The following MTMR2 variants were observed in gnomAD, a reference collection of about 807,000 sequenced individuals.
The protein encoded by MTMR2 is phosphatidylinositol-3,5-bisphosphate 3-phosphatase MTMR2.
Under a neutral mutation model 86.9 loss-of-function variants are expected in MTMR2, and 55 were observed. The observed-to-expected ratio is 0.63, with a 90% CI of 0.51 to 0.79. The LOEUF is 0.79. Among genes scored for constraint, MTMR2 ranks in the 30% least tolerant of loss-of-function variants. The pLI is 0.00. For missense variants in MTMR2, 659 were observed against 772.3 expected (o/e 0.85, Z 1.74); for synonymous variants, 241 against 266.8 (o/e 0.90, Z 0.94).
intron 1 of MTMR2, among the ~76,000 whole-genome samples, chr11:95,922,245 A>G (rs1866954157): frequency 6.6e-6 from 1 of 152,186 alleles, no homozygotes; most frequent in South Asian, 2.1e-4. Flanking sequence ...GGAGCTTCCT[A>G]ACTTCCAGTA....
chr11:95,876,656 T>C (rs1022318625), intron 2 of MTMR2, among the ~76,000 whole-genome samples: 1 of 152,170 alleles, frequency 6.6e-6, no homozygotes. Context: ...ACACACAAGA[T>C]TCAAATTTAT....
chr11:95,923,720 G>A, intron 1 of MTMR2, 155 bp downstream of exon 1: 1 of 1,453,372 alleles, frequency 6.9e-7, no homozygotes. Context: ...CACGCCCCAG[G>A]GAGGGAGGCA....
intron 7 of MTMR2, among the ~76,000 whole-genome samples, chr11:95,853,630 A>G (rs1864103943): frequency 6.6e-6 from 1 of 152,092 alleles, no homozygotes; most frequent in African/African-American, 2.4e-5. Flanking sequence ...CTCTCCCTAC[A>G]GTACTTGCTC....
At chr11:95,862,227 AAAC>A (rs1442303073) in intron 4 of MTMR2, 42 bp downstream of exon 4, 9 of 1,482,050 alleles carry the variant, frequency 6.1e-6, no homozygotes, top group Non-Finnish European at 8.2e-6. Context: ...AACTAGCTAC[AAAC>A]AACACACTCA....
rs1418356895 is a variant in MTMR2, at chr11:95,854,922, C to T, written c.654+2630G>A. Among the ~76,000 whole-genome samples, 3 of 152,068 alleles carry T rather than the reference C, an allele frequency of 2.0e-5. No individual in the cohort carries two copies. In the East Asian group the frequency reaches 5.8e-4, roughly 29 times the overall value. On this transcript the variant is annotated intron_variant, in intron 7 of 14. Transcript: ENST00000346299. ...CTCCAGGGCTCCATCAATCCTCCTG[C>T]CTCAACCCCCCTGGATAGCTGTGAC... is the stretch of plus-strand genomic sequence containing the variant.
intron 11 of MTMR2, among the ~76,000 whole-genome samples, chr11:95,843,507 C>A (rs12796946): frequency 1.3e-5 from 2 of 152,026 alleles, no homozygotes; most frequent in Non-Finnish European, 2.9e-5. Context: ...CAAGTTCTGG[C>A]GTAGTATCAA....
intron 10 of MTMR2, among the ~76,000 whole-genome samples, chr11:95,846,482 A>C (rs1049533028): frequency 6.6e-6 from 1 of 152,130 alleles, no homozygotes; most frequent in Admixed American, 6.6e-5. Context: ...TGCTGGTAGA[A>C]CTCTTATTTT....
chr11:95,857,475 G>T, intron 7 of MTMR2, 77 bp downstream of exon 7: 1 of 1,006,292 alleles, frequency 9.9e-7, no homozygotes, highest in Non-Finnish European at 1.6e-6. Flanking sequence ...GCTGGTTTTC[G>T]TACATGGTTC....
intron 1 of MTMR2, among the ~76,000 whole-genome samples, chr11:95,909,913 ATTAAAT>A (rs1024982471): frequency 6.6e-6 from 1 of 152,126 alleles, no homozygotes; most frequent in Non-Finnish European, 1.5e-5. Flanking sequence ...GCATCCACTA[ATTAAAT>A]TAAAATTAAG....
At chr11:95,865,539 G>T in intron 3 of MTMR2, 62 bp downstream of exon 3, 1 of 1,412,634 alleles carries the variant, frequency 7.1e-7, no homozygotes, top group Non-Finnish European at 1.0e-6. Flanking sequence ...TATGCTGAGA[G>T]TACTGAACAT....
chr11:95,846,539 A>G (rs1863800499), intron 10 of MTMR2, among the ~76,000 whole-genome samples: 1 of 152,206 alleles, frequency 6.6e-6, no homozygotes, highest in African/African-American at 2.4e-5. Context: ...ATATTTGAGC[A>G]GAGACCAGAA....
chr11:95,889,560 TC>T (rs1865640165), intron 1 of MTMR2, among the ~76,000 whole-genome samples: 1 of 151,538 alleles, frequency 6.6e-6, no homozygotes, highest in East Asian at 1.9e-4. Flanking sequence ...CACTATGTTA[TC>T]CAGGCTGTTC....
At chr11:95,858,361 T>A (rs1338601047) in intron 6 of MTMR2, among the ~76,000 whole-genome samples, 170 bp downstream of exon 6, 1 of 152,170 alleles carries the variant, frequency 6.6e-6, no homozygotes, top group Non-Finnish European at 1.5e-5. Flanking sequence ...CTTCCTTTAT[T>A]TCATACCTAA....
At chr11:95,877,195 G>A (rs546326550) in intron 2 of MTMR2, among the ~76,000 whole-genome samples, 16 of 152,256 alleles carry the variant, frequency 1.1e-4, no homozygotes, top group Admixed American at 7.8e-4. Flanking sequence ...TCTACAACTT[G>A]ACTGACAAGC....
intron 2 of MTMR2, among the ~76,000 whole-genome samples, chr11:95,875,863 C>T (rs1865090303): frequency 6.6e-6 from 1 of 152,204 alleles, no homozygotes; most frequent in Non-Finnish European, 1.5e-5. Flanking sequence ...GCTGGAGGTC[C>T]ACTCTAGACC....
chr11:95,849,668 T>C lies in MTMR2; in HGVS notation c.993+6A>G, dbSNP rs1863938683. The C allele has an allele frequency of 1.3e-6, 2 of 1,590,574 alleles. No individual in the cohort carries two copies. The highest frequency in any genetic ancestry group is 1.7e-6 in the Non-Finnish European group (2 of 1,161,602). On this transcript the variant is annotated splice_donor_region_variant and intron_variant, in intron 9 of 14. Coordinates refer to ENST00000346299, the MANE Select transcript of MTMR2 (RefSeq NM_016156.6). ...CATAATTATAATTACTAAGAGACCA[T>C]CTGACCTTGTTGGCAACAGCATTAA... is the stretch of plus-strand genomic sequence containing the variant.
intron 11 of MTMR2, among the ~76,000 whole-genome samples, chr11:95,844,463 A>G (rs560712484): frequency 6.6e-6 from 1 of 152,262 alleles, no homozygotes; most frequent in South Asian, 2.1e-4. Context: ...CCAACTTTAC[A>G]TGGTCCCAGC....
chr11:95,903,355 C>T (rs1475236467), intron 1 of MTMR2, among the ~76,000 whole-genome samples: 1 of 152,186 alleles, frequency 6.6e-6, no homozygotes, highest in East Asian at 1.9e-4. Context: ...AAACTCCATG[C>T]CTGTTATTAC....
chr11:95,850,891 G>C lies in MTMR2; in HGVS notation c.655-142C>G, dbSNP rs758389666. ...TTGGGATAGTTGTTGTCAGCCTGTG[G>C]TATCAGGCTTTCAGGATTAGATATT... On this transcript the variant is annotated intron_variant, in intron 7 of 14. Coordinates refer to ENST00000346299, the MANE Select transcript of MTMR2 (RefSeq NM_016156.6). 1.4e-5 allele frequency: 11 copies of C among 777,914 alleles called. No homozygotes were observed. In the Admixed American group the frequency reaches 2.0e-4, roughly 14 times the overall value. The allele number at this position is 777,914 out of a possible 1,614,324, so 48.2% of individuals were successfully genotyped here.
Sources: gnomAD v4.1 joint callset for allele counts (sites outside exome capture counted in the v4.1 genomes callset) on GRCh38, gnomAD v4.1.1 for gene constraint, MANE v1.5 for transcripts, NCBI Gene and HGNC (gene_info 2026-07-23, HGNC 2026-07-21) for gene names.